WAC: variants seen among roughly 807,000 people sequenced by gnomAD.
WAC encodes the protein WW domain containing adaptor with coiled-coil, also known as WW domain-containing adapter protein with coiled-coil.
WAC carries 11 observed loss-of-function variants against 79.6 expected under a neutral mutation model. The observed-to-expected ratio is 0.14, with a 90% confidence interval of 0.09 to 0.23. The LOEUF (loss-of-function observed/expected upper bound fraction) is 0.23, where lower values mean the gene tolerates loss of function less well. Ranked by LOEUF, WAC falls within the 10% of genes least tolerant of loss-of-function variation. WAC has a pLI of 1.00. For missense variants in WAC, 728 were observed against 773.5 expected, an observed-to-expected ratio of 0.94 and a Z score of 0.70; for synonymous variants, 304 against 276.9, an observed-to-expected ratio of 1.10 and a Z score of -0.97.
At chr10:28,577,999 A>G (rs796777761) in intron 3 of WAC, among the ~76,000 whole-genome samples, 19 of 152,168 alleles carry the variant, frequency 1.2e-4, no homozygotes, top group African/African-American at 4.3e-4. Context: ...TCTCTACTAA[A>G]AATACAAAAA....
chr10:28,598,126 G>A (rs1237480559), intron 7 of WAC, among the ~76,000 whole-genome samples: 1 of 152,122 alleles, frequency 6.6e-6, no homozygotes, highest in African/African-American at 2.4e-5. Flanking sequence ...GCTTAACAGT[G>A]GCATCATTAT....
intron 2 of WAC, 172 bp from the exon 3 acceptor site, chr10:28,535,390 C>T (rs1381277636): frequency 3.1e-6 from 2 of 640,674 alleles, no homozygotes; most frequent in South Asian, 2.7e-5. Context: ...AACGCTTAAG[C>T]ATTAGGTTTT....
chr10:28,592,033 A>T (rs1840117468), intron 6 of WAC, among the ~76,000 whole-genome samples: 1 of 152,090 alleles, frequency 6.6e-6, no homozygotes, highest in Non-Finnish European at 1.5e-5. Context: ...TTGATGGGAG[A>T]AAATATTTAA....
At chr10:28,543,437 A>G (rs115321229) in intron 3 of WAC, among the ~76,000 whole-genome samples, 3,482 of 152,336 alleles carry the variant, frequency 0.023, 148 homozygotes, top group African/African-American at 0.078. Context: ...CCTAGTGTCT[A>G]TTTAACATTT....
At chr10:28,570,097 T>C (rs1838860897) in intron 3 of WAC, among the ~76,000 whole-genome samples, 3 of 152,228 alleles carry the variant, frequency 2.0e-5, no homozygotes, top group South Asian at 4.1e-4. Context: ...AATTGCCTTA[T>C]CTGTAAGGGA....
chr10:28,547,135 A>C (rs1436071772), intron 3 of WAC, among the ~76,000 whole-genome samples: 1 of 152,098 alleles, frequency 6.6e-6, no homozygotes. Flanking sequence ...TCTTTATTTG[A>C]TTTAGCATTT....
intron 3 of WAC, among the ~76,000 whole-genome samples, chr10:28,553,873 T>A (rs139267200): frequency 1.3e-5 from 2 of 152,266 alleles, no homozygotes; most frequent in Non-Finnish European, 2.9e-5. Context: ...ATCTAGAGAT[T>A]TTTTTTCTCT....
intron 3 of WAC, among the ~76,000 whole-genome samples, chr10:28,541,449 G>A (rs1350991972): frequency 1.1e-4 from 8 of 70,648 alleles, no homozygotes; most frequent in Non-Finnish European, 1.8e-4. Context: ...TTTTTTTTAA[G>A]ACAGTCTCAC....
rs1191368725 is a variant in WAC at position 28,622,191 on chromosome 10, A to C, written c.*2585A>C. Reference sequence around the variant, plus strand: ...CGCTCCTGGCCAGTAGTGAATTTTTAAACACAGAAAATCTAAAATTTTGTG... The same window carrying C: ...CGCTCCTGGCCAGTAGTGAATTTTTCAACACAGAAAATCTAAAATTTTGTG... On this transcript the variant is annotated 3_prime_UTR_variant, in exon 14 of 14. Coordinates refer to ENST00000354911, the MANE Select transcript of WAC (RefSeq NM_016628.5). 6.6e-6 allele frequency: 1 copy of C among 152,144 alleles called. No homozygotes were observed. The allele number at this position is 152,144 out of a possible 1,614,324, so 9.4% of individuals were successfully genotyped here. A position where few individuals can be genotyped will look rare whatever the true frequency, so the allele number is the denominator to read the frequency against.
chr10:28,603,865 C>T (rs1182211665), intron 7 of WAC, among the ~76,000 whole-genome samples: 4 of 147,988 alleles, frequency 2.7e-5, no homozygotes, highest in African/African-American at 1.0e-4. Flanking sequence ...ACCCGGGAGG[C>T]AGATCTTGCA....
At chr10:28,612,220 C>T (rs1841275268) in intron 10 of WAC, among the ~76,000 whole-genome samples, 1 of 152,198 alleles carries the variant, frequency 6.6e-6, no homozygotes, top group African/African-American at 2.4e-5. Context: ...GTAGAATTTT[C>T]AAACTCCAAA....
At chr10:28,551,784 T>TTGTGTGTGTGTGTGTGTGTGTGTGTG (rs71769370) in intron 3 of WAC, among the ~76,000 whole-genome samples, 1 of 124,808 alleles carries the variant, frequency 8.0e-6, no homozygotes, top group Non-Finnish European at 1.6e-5. Context: ...TCCTGTCTAC[T>TTGTGTGTGTGTGTGTGTGTGTGTGTG]TGTGTGTGTG....
intron 3 of WAC, among the ~76,000 whole-genome samples, chr10:28,544,457 C>T (rs1422812497): frequency 6.6e-6 from 1 of 152,146 alleles, no homozygotes; most frequent in African/African-American, 2.4e-5. Context: ...GTGTCCATCC[C>T]TGTAGGATTG....
At chr10:28,587,227 ATCTTTGTGAAAAGTAATT>A (rs1367383774) in intron 4 of WAC, among the ~76,000 whole-genome samples, 18 of 152,254 alleles carry the variant, frequency 1.2e-4, no homozygotes, top group African/African-American at 4.3e-4. Context: ...CATATGTAAC[ATCTTTGTGAAAAGTAATT>A]TTTAAAAAAA....
At chr10:28,586,667 C>T (rs1409795463) in intron 4 of WAC, among the ~76,000 whole-genome samples, 2 of 151,684 alleles carry the variant, frequency 1.3e-5, no homozygotes, top group African/African-American at 2.4e-5. Context: ...CCAGCCTGGC[C>T]GACAGCAAGA....
intron 3 of WAC, among the ~76,000 whole-genome samples, chr10:28,544,872 T>C (rs1837264033): frequency 6.6e-6 from 1 of 151,998 alleles, no homozygotes. Flanking sequence ...GAGACCAGCC[T>C]GTGCAACATA....
intron 3 of WAC, among the ~76,000 whole-genome samples, chr10:28,566,639 T>G (rs895658871): frequency 3.9e-5 from 6 of 152,252 alleles, no homozygotes; most frequent in African/African-American, 1.4e-4. Flanking sequence ...AAAATAATTT[T>G]CTGGGTCACA....
intron 3 of WAC, among the ~76,000 whole-genome samples, chr10:28,548,352 C>T (rs1194554313): frequency 6.6e-6 from 1 of 152,040 alleles, no homozygotes; most frequent in South Asian, 2.1e-4. Flanking sequence ...TCTAACTTTT[C>T]TCCTTTTAGA....
intron 7 of WAC, among the ~76,000 whole-genome samples, chr10:28,596,275 T>C (rs576275517): frequency 3.3e-5 from 5 of 152,372 alleles, no homozygotes; most frequent in Non-Finnish European, 5.9e-5. Flanking sequence ...AGTCAAGTGC[T>C]TAATTTATAA....
Sources: gnomAD v4.1 joint callset for allele counts (sites outside exome capture counted in the v4.1 genomes callset) on GRCh38, gnomAD v4.1.1 for gene constraint, MANE v1.5 for transcripts, NCBI Gene and HGNC (gene_info 2026-07-23, HGNC 2026-07-21) for gene names.